Variants in TRAM2 observed in about 807,000 individuals in gnomAD.
The protein encoded by TRAM2 is translocation associated membrane protein 2.
TRAM2 carries 12 observed loss-of-function variants against 51.0 expected under a neutral mutation model. That is an observed-to-expected ratio of 0.24 (90% CI 0.15 to 0.38). The LOEUF (loss-of-function observed/expected upper bound fraction) is 0.38. Ranked by LOEUF, TRAM2 falls within the 10% of genes least tolerant of loss-of-function variation. TRAM2 has a pLI of 1.00. For missense variants in TRAM2, 361 were observed against 462.0 expected (o/e 0.78, Z 2.00); for synonymous variants, 175 against 179.4 (o/e 0.98, Z 0.20).
In TRAM2 at chr6:52,497,662, T is replaced by C. The variant is rs759575574; in HGVS notation, c.*5535A>G. On this transcript the variant is annotated 3_prime_UTR_variant, in exon 11 of 11. Coordinates refer to ENST00000182527, the MANE Select transcript of TRAM2 (RefSeq NM_012288.4). ...TGAAATTTGGTCCATATGAACAGGC[T>C]AGAGTAGAAAACAGACACTTTGTCC... The C allele has an allele frequency of 2.6e-4, 40 of 152,320 alleles. No homozygotes were observed. Among genetic ancestry groups the C allele is most frequent in the Non-Finnish European group, 4.3e-4 (29 of 68,018 alleles). 9.4% of individuals were successfully genotyped at this position (152,320 alleles called of 1,614,324 possible). A position where few individuals can be genotyped will look rare whatever the true frequency, so the allele number is the denominator to read the frequency against.
rs1273549615 is a variant in TRAM2, at chr6:52,501,568, C to T, written c.*1629G>A. On this transcript the variant is annotated 3_prime_UTR_variant, in exon 11 of 11. Transcript: ENST00000182527. The stretch of plus-strand genomic sequence containing the variant: ...TAATTGGGACTTTTGTTTTTTTAGA[C>T]AGAATTTCGCTCTTGTTGTCCAGGC... 6.6e-6 allele frequency: 1 copy of T among 152,176 alleles called. No individual in the cohort carries two copies. 9.4% of individuals were successfully genotyped at this position (152,176 alleles called of 1,614,324 possible).
intron 1 of TRAM2, among the ~76,000 whole-genome samples, chr6:52,556,959 C>T (rs1349739702): frequency 1.4e-5 from 2 of 146,758 alleles, no homozygotes; most frequent in Non-Finnish European, 3.0e-5. Context: ...TTTGGGAGGC[C>T]GAGGTGGGCA....
At chr6:52,508,025 G>A (rs1236274321) in intron 6 of TRAM2, among the ~76,000 whole-genome samples, 1 of 152,226 alleles carries the variant, frequency 6.6e-6, no homozygotes, top group African/African-American at 2.4e-5. Context: ...AGGTCTGGTG[G>A]AAGAGGCAGG....
chr6:52,510,747 C>G (rs1255800531), intron 4 of TRAM2, among the ~76,000 whole-genome samples: 1 of 152,140 alleles, frequency 6.6e-6, no homozygotes, highest in African/African-American at 2.4e-5. Flanking sequence ...CCAAAAGCCG[C>G]CAAGGTAAGA....
chr6:52,545,496 A>C (rs1767182896), intron 1 of TRAM2, among the ~76,000 whole-genome samples: 1 of 152,212 alleles, frequency 6.6e-6, no homozygotes, highest in Non-Finnish European at 1.5e-5. Context: ...GGACACACAC[A>C]AAGAGAAGGA....
At chr6:52,539,540 C>CA (rs3831836) in intron 1 of TRAM2, among the ~76,000 whole-genome samples, 3,317 of 140,642 alleles carry the variant, frequency 0.024, 42 homozygotes, top group South Asian at 0.045. Flanking sequence ...ATTTACACAA[C>CA]AAAAAAAAAA....
chr6:52,518,275 T>TAGCCAGAGAA (rs1766590808), intron 2 of TRAM2, among the ~76,000 whole-genome samples: 1 of 152,062 alleles, frequency 6.6e-6, no homozygotes, highest in Admixed American at 6.5e-5. Flanking sequence ...GGGGACATCC[T>TAGCCAGAGAA]AGCCAGAGAA....
In TRAM2 at chr6:52,506,114, A is replaced by G; in HGVS notation, c.649T>C (p.Leu217=). The G allele has an allele frequency of 6.2e-7, 1 of 1,614,092 alleles. No individual in the cohort carries two copies. ...TCAGTTGAGTACTGCAGCAGCAGCAAGATCAGGCCCAGGCGGCTCAGGCTG... is the reference window on the plus strand; with the variant it reads ...TCAGTTGAGTACTGCAGCAGCAGCAGGATCAGGCCCAGGCGGCTCAGGCTG... ...LLNLSRLGLI[L]LLLQYSTEFL... is the part of the protein sequence containing the mutation. The change falls in exon 8 of 11, where the codon TTG becomes CTG. Residue 217 remains leucine, a synonymous_variant. Transcript: ENST00000182527.
At chr6:52,557,644 C>A (rs941159355) in intron 1 of TRAM2, among the ~76,000 whole-genome samples, 1 of 152,146 alleles carries the variant, frequency 6.6e-6, no homozygotes, top group Admixed American at 6.5e-5. Context: ...GGGTGTATGT[C>A]CTGATAAGGC....
chr6:52,554,878 C>T (rs1356574940), intron 1 of TRAM2, among the ~76,000 whole-genome samples: 4 of 151,672 alleles, frequency 2.6e-5, no homozygotes, highest in Admixed American at 2.6e-4. Context: ...AAATGATCCT[C>T]CTACCTCAGC....
intron 2 of TRAM2, among the ~76,000 whole-genome samples, chr6:52,526,870 C>G (rs570665824): frequency 2.0e-5 from 3 of 152,180 alleles, no homozygotes; most frequent in Non-Finnish European, 4.4e-5. Flanking sequence ...ATTCCATAGG[C>G]TGCCTCACGT....
At chr6:52,503,766 G>C (rs538330824) in intron 10 of TRAM2, among the ~76,000 whole-genome samples, 11 of 152,292 alleles carry the variant, frequency 7.2e-5, no homozygotes, top group African/African-American at 2.4e-4. Flanking sequence ...CAAGCAGGAT[G>C]CCTGACACTC....
chr6:52,544,730 CTGTT>C (rs1406978899), intron 1 of TRAM2, among the ~76,000 whole-genome samples: 2 of 152,248 alleles, frequency 1.3e-5, no homozygotes, highest in East Asian at 1.9e-4. Context: ...TCAAATGTCT[CTGTT>C]TGTCAGCAAA....
chr6:52,571,633 G>A (rs558916673), intron 1 of TRAM2, among the ~76,000 whole-genome samples: 20 of 152,358 alleles, frequency 1.3e-4, no homozygotes, highest in African/African-American at 4.8e-4. Context: ...GAAAACAGGT[G>A]TTCTCCATGG....
At chr6:52,556,975 C>T (rs1460233737) in intron 1 of TRAM2, among the ~76,000 whole-genome samples, 3 of 151,302 alleles carry the variant, frequency 2.0e-5, no homozygotes, top group Non-Finnish European at 4.4e-5. Flanking sequence ...GGGCAGATCA[C>T]CTGAGGTCAG....
At position 52,577,038 on chromosome 6, in the gene TRAM2, C is replaced by T. The variant is rs1767783922; in HGVS notation, c.-123G>A. 1.8e-5 allele frequency: 21 copies of T among 1,162,610 alleles called. No homozygotes were observed. Among genetic ancestry groups the T allele is most frequent in the Non-Finnish European group, 2.1e-5 (19 of 924,154 alleles). 72.0% of individuals were successfully genotyped at this position (1,162,610 alleles called of 1,614,324 possible). A position where few individuals can be genotyped will look rare whatever the true frequency, so the allele number is the denominator to read the frequency against. ...CCGCCCGCTCTCCCACAGCCGCTCGCCCGCCCAGCGCGGAACAACTTCGGG... is the reference window on the plus strand; with the variant it reads ...CCGCCCGCTCTCCCACAGCCGCTCGTCCGCCCAGCGCGGAACAACTTCGGG... On this transcript the variant is annotated 5_prime_UTR_variant, in exon 1 of 11. Coordinates refer to ENST00000182527, the MANE Select transcript of TRAM2 (RefSeq NM_012288.4).
chr6:52,564,563 C>T (rs143415794), intron 1 of TRAM2, among the ~76,000 whole-genome samples: 28 of 152,240 alleles, frequency 1.8e-4, no homozygotes, highest in African/African-American at 6.7e-4. Flanking sequence ...CCAAACATCT[C>T]CTTTTTAAAA....
intron 2 of TRAM2, among the ~76,000 whole-genome samples, chr6:52,522,398 C>T (rs947221343): frequency 6.6e-6 from 1 of 152,228 alleles, no homozygotes. Flanking sequence ...AAAATCTTTA[C>T]GTGAAATCAT....
chr6:52,515,043 G>A (rs146600806), intron 4 of TRAM2, among the ~76,000 whole-genome samples: 2 of 152,320 alleles, frequency 1.3e-5, no homozygotes, highest in African/African-American at 4.8e-5. Flanking sequence ...GTTGACTCTG[G>A]CTTTGAGAAT....
Sources: gnomAD v4.1 joint callset for allele counts (sites outside exome capture counted in the v4.1 genomes callset) on GRCh38, gnomAD v4.1.1 for gene constraint, MANE v1.5 for transcripts, NCBI Gene and HGNC (gene_info 2026-07-23, HGNC 2026-07-21) for gene names.